KCND3: variants seen among roughly 807,000 people sequenced by gnomAD.
KCND3 encodes the protein A-type voltage-gated potassium channel KCND3.
A neutral mutation model predicts 51.1 loss-of-function variants in KCND3; 9 were observed. The observed-to-expected ratio is 0.18, with a 90% CI of 0.11 to 0.31. KCND3 has a LOEUF of 0.31. Among genes scored for constraint, KCND3 ranks in the 10% least tolerant of loss-of-function variants. The probability of loss-of-function intolerance (pLI) is 1.00; values close to 1 mark genes in which losing one functional copy is unlikely to be tolerated. For missense variants in KCND3, 526 were observed against 903.8 expected (o/e 0.58, Z 5.36); for synonymous variants, 349 against 368.0 (o/e 0.95, Z 0.59).
chr1:111,888,554 C>T (rs751735944), intron 2 of KCND3, among the ~76,000 whole-genome samples: 6 of 151,760 alleles, frequency 4.0e-5, no homozygotes, highest in Non-Finnish European at 8.8e-5. Context: ...CGGTGGTGGG[C>T]GCCTGTAATC....
intron 2 of KCND3, among the ~76,000 whole-genome samples, chr1:111,911,171 A>G (rs1483391179): frequency 2.0e-5 from 3 of 152,198 alleles, no homozygotes; most frequent in Non-Finnish European, 2.9e-5. Flanking sequence ...AGAGTGAAAA[A>G]GTGGCCAAGT....
intron 2 of KCND3, among the ~76,000 whole-genome samples, chr1:111,812,793 G>T (rs1418993258): frequency 1.3e-5 from 2 of 152,178 alleles, no homozygotes; most frequent in African/African-American, 4.8e-5. Flanking sequence ...GGCACAGGGA[G>T]CCGGGCACAG....
chr1:111,867,221 A>C (rs1427761915), intron 2 of KCND3, among the ~76,000 whole-genome samples: 1 of 152,084 alleles, frequency 6.6e-6, no homozygotes, highest in Non-Finnish European at 1.5e-5. Context: ...TTTTCTAGGC[A>C]CATCCTAGGG....
intron 2 of KCND3, among the ~76,000 whole-genome samples, chr1:111,801,166 A>G (rs1455786686): frequency 3.3e-5 from 5 of 152,366 alleles, no homozygotes; most frequent in East Asian, 1.9e-4. Flanking sequence ...AGCAACTGCC[A>G]TGACTAGCCC....
chr1:111,792,549 G>A (rs1272181541), intron 2 of KCND3, among the ~76,000 whole-genome samples: 2 of 152,194 alleles, frequency 1.3e-5, no homozygotes, highest in Non-Finnish European at 2.9e-5. Context: ...CAGCAGCACA[G>A]CACAGTGGTT....
intron 2 of KCND3, among the ~76,000 whole-genome samples, chr1:111,958,127 C>T (rs188238016): frequency 1.3e-5 from 2 of 152,326 alleles, no homozygotes; most frequent in African/African-American, 4.8e-5. Context: ...TGGAGACAGG[C>T]TGTCCCCAAA....
At chr1:111,972,171 T>C (rs1674366537) in intron 2 of KCND3, among the ~76,000 whole-genome samples, 3 of 53,504 alleles carry the variant, frequency 5.6e-5, no homozygotes, top group East Asian at 3.2e-4. Flanking sequence ...TGTATATCTT[T>C]TTTTTTTTTT....
chr1:111,778,942 A>G (rs1467557063), intron 5 of KCND3, among the ~76,000 whole-genome samples: 1 of 152,072 alleles, frequency 6.6e-6, no homozygotes, highest in Non-Finnish European at 1.5e-5. Context: ...ATTTTCACCC[A>G]TATCCTTTCA....
At chr1:111,891,387 A>G (rs1007212723) in intron 2 of KCND3, among the ~76,000 whole-genome samples, 5 of 152,226 alleles carry the variant, frequency 3.3e-5, no homozygotes, top group African/African-American at 1.2e-4. Flanking sequence ...GGAATAAATA[A>G]CAGAATGTCT....
At chr1:111,882,553 T>C (rs1301397656) in intron 2 of KCND3, among the ~76,000 whole-genome samples, 1 of 151,964 alleles carries the variant, frequency 6.6e-6, no homozygotes, top group African/African-American at 2.4e-5. Context: ...TGCAACGGAG[T>C]CTCAGGGTGT....
chr1:111,968,698 G>A (rs568462430), intron 2 of KCND3, among the ~76,000 whole-genome samples: 53 of 152,272 alleles, frequency 3.5e-4, no homozygotes, highest in African/African-American at 8.7e-4. Flanking sequence ...TATGGCAGAC[G>A]GGGGAACCTG....
intron 2 of KCND3, among the ~76,000 whole-genome samples, chr1:111,879,501 T>G (rs901203642): frequency 6.6e-6 from 1 of 152,200 alleles, no homozygotes; most frequent in Non-Finnish European, 1.5e-5. Flanking sequence ...GAAATTAAAG[T>G]CCATGCTCAG....
chr1:111,897,868 C>T (rs1272737066), intron 2 of KCND3, among the ~76,000 whole-genome samples: 1 of 152,214 alleles, frequency 6.6e-6, no homozygotes, highest in Admixed American at 6.5e-5. Flanking sequence ...ACAGGCCAGG[C>T]ATAAAGGAGA....
chr1:111,899,801 G>A (rs577267865), intron 2 of KCND3, among the ~76,000 whole-genome samples: 29 of 152,298 alleles, frequency 1.9e-4, no homozygotes, highest in African/African-American at 7.0e-4. Context: ...GGGTATATGT[G>A]TGTGTGGCAC....
At chr1:111,850,943 C>G (rs1667788554) in intron 2 of KCND3, among the ~76,000 whole-genome samples, 1 of 152,242 alleles carries the variant, frequency 6.6e-6, no homozygotes, top group African/African-American at 2.4e-5. Flanking sequence ...TTAGGTTTCT[C>G]CTCAATGTTG....
chr1:111,805,341 T>C (rs1665516196), intron 2 of KCND3, among the ~76,000 whole-genome samples: 1 of 152,094 alleles, frequency 6.6e-6, no homozygotes, highest in Admixed American at 6.5e-5. Context: ...TGGCCAGAGA[T>C]CCACCGCCAC....
In KCND3 at chr1:111,775,962, T is replaced by C. The variant is rs999445856; in HGVS notation, c.*115A>G. On this transcript the variant is annotated 3_prime_UTR_variant, in exon 8 of 8. Transcript: ENST00000302127. ...ACAAGTCTCAGTGCTAGGGGTACAA[T>C]GGGGCAGGCAGAAATAGTGGGGAAA... The C allele has an allele frequency of 8.5e-7, 1 of 1,182,686 alleles. No homozygotes were observed. Among genetic ancestry groups the C allele is most frequent in the African/African-American group, 1.5e-5 (1 of 66,228 alleles). The allele number at this position is 1,182,686 out of a possible 1,614,324, so 73.3% of individuals were successfully genotyped here.
intron 2 of KCND3, among the ~76,000 whole-genome samples, chr1:111,956,932 T>G (rs1003088102): frequency 2.6e-5 from 4 of 152,160 alleles, no homozygotes; most frequent in Non-Finnish European, 5.9e-5. Context: ...AACTCACAAC[T>G]AGGGTTGTCC....
Position 111,780,641 on chromosome 1 carries a change from G to T in KCND3, c.1371+49C>A. 1.4e-6 allele frequency: 2 copies of T among 1,448,546 alleles called. No individual in the cohort carries two copies. The highest frequency in any genetic ancestry group is 1.9e-6 in the Non-Finnish European group (2 of 1,046,506). The allele number at this position is 1,448,546 out of a possible 1,614,324, so 89.7% of individuals were successfully genotyped here. On this transcript the variant is annotated intron_variant, in intron 4 of 7. Coordinates refer to ENST00000302127, the MANE Select transcript of KCND3 (RefSeq NM_001378969.1). The surrounding 1 kb of genome is among the most constrained non-coding windows in gnomAD (Gnocchi z 4.2). ...TGGTGTCCCGGGAAAGAGAAAACAAGCCCATCTACCCCTTTATGTTCCCTA... is the reference window on the plus strand; with the variant it reads ...TGGTGTCCCGGGAAAGAGAAAACAATCCCATCTACCCCTTTATGTTCCCTA...
Sources: allele counts gnomAD v4.1 joint callset (sites outside exome capture counted in the v4.1 genomes callset), GRCh38; gene constraint gnomAD v4.1.1; non-coding constraint Gnocchi (gnomAD v3.1); transcripts MANE v1.5; gene names NCBI Gene and HGNC (gene_info 2026-07-23, HGNC 2026-07-21).